Variants in HIVEP2 observed in about 807,000 individuals in gnomAD.
The protein encoded by HIVEP2 is HIVEP zinc finger 2.
Under a neutral mutation model 180.7 loss-of-function variants are expected in HIVEP2, and 14 were observed. The observed-to-expected ratio is 0.08, with a 90% confidence interval of 0.05 to 0.12. HIVEP2 has a LOEUF of 0.12. HIVEP2 is among the 10% of genes least tolerant of loss of function. The probability of loss-of-function intolerance (pLI) is 1.00; values close to 1 mark genes in which losing one functional copy is unlikely to be tolerated. For missense variants in HIVEP2, 2,579 were observed against 3,008.5 expected (o/e 0.86, Z 3.34); for synonymous variants, 1,184 against 1,136.4 (o/e 1.04, Z -0.84).
chr6:142,839,007 T>G (rs953189796), intron 1 of HIVEP2, among the ~76,000 whole-genome samples: 1 of 152,046 alleles, frequency 6.6e-6, no homozygotes, highest in Non-Finnish European at 1.5e-5. Flanking sequence ...TCCCATAGAG[T>G]ACCTAAAAGT....
In HIVEP2 at chr6:142,768,445, T is replaced by C; in HGVS notation, c.5279A>G (p.His1760Arg). The C allele has an allele frequency of 6.2e-7, 1 of 1,613,298 alleles. No individual in the cohort carries two copies. The highest frequency in any genetic ancestry group is 8.5e-7 in the Non-Finnish European group (1 of 1,179,448). Residue 1760 changes from histidine (H) to arginine (R), a missense_variant, in exon 6 of 10, where the codon CAT becomes CGT. By Grantham distance (29) the His-to-Arg change is conservative. This residue lies in a region of HIVEP2 where 349 missense variants were observed against 367.2 expected (regional missense o/e 0.95). Coordinates refer to ENST00000367603, the MANE Select transcript of HIVEP2 (RefSeq NM_006734.4). Reference sequence around the variant, plus strand: ...TTTGGATCCAATATCTTTATCTCCATGAATATCTCCTTTCCCTCTTTCCTT... The same window carrying C: ...TTTGGATCCAATATCTTTATCTCCACGAATATCTCCTTTCCCTCTTTCCTT... Reference protein sequence around the residue: ...ILKERGKGDIHGDKDIGSKQT... With the variant: ...ILKERGKGDIRGDKDIGSKQT...
intron 2 of HIVEP2, among the ~76,000 whole-genome samples, chr6:142,830,137 G>C (rs1346281317): frequency 6.6e-6 from 1 of 152,116 alleles, no homozygotes; most frequent in Admixed American, 6.5e-5. Context: ...GTTTTCTGTT[G>C]TTAGAAATAC....
chr6:142,753,943 A>C lies in HIVEP2; in HGVS notation c.6517-12T>G. The C allele has an allele frequency of 2.1e-6, 3 of 1,456,434 alleles. No individual in the cohort carries two copies. Among genetic ancestry groups the C allele is most frequent in the Non-Finnish European group, 2.8e-6 (3 of 1,060,710 alleles). 90.2% of individuals were successfully genotyped at this position (1,456,434 alleles called of 1,614,324 possible). A position where few individuals can be genotyped will look rare whatever the true frequency, so the allele number is the denominator to read the frequency against. On this transcript the variant is annotated splice_polypyrimidine_tract_variant and intron_variant, in intron 9 of 9. Coordinates refer to ENST00000367603, the MANE Select transcript of HIVEP2 (RefSeq NM_006734.4). Reference sequence around the variant, plus strand: ...CCTCTTCTTAAATTCTGCGCAGAGAAACAAAGAGAGCACAAAATTCAGAGC... The same window carrying C: ...CCTCTTCTTAAATTCTGCGCAGAGACACAAAGAGAGCACAAAATTCAGAGC...
At chr6:142,761,130 T>C (rs1215270899) in intron 8 of HIVEP2, among the ~76,000 whole-genome samples, 2 of 152,228 alleles carry the variant, frequency 1.3e-5, no homozygotes, top group African/African-American at 4.8e-5. Context: ...TGAATAATAA[T>C]ACATTAAAAT....
At chr6:142,800,103 T>G (rs1043506665) in intron 2 of HIVEP2, among the ~76,000 whole-genome samples, 3 of 152,126 alleles carry the variant, frequency 2.0e-5, no homozygotes, top group African/African-American at 7.2e-5. Flanking sequence ...CACACCCAGG[T>G]GGCAGCAAAA....
intron 1 of HIVEP2, among the ~76,000 whole-genome samples, chr6:142,848,700 G>A (rs1247792165): frequency 6.6e-6 from 1 of 151,052 alleles, no homozygotes; most frequent in East Asian, 1.9e-4. Context: ...TCCAGCCTGG[G>A]CAACAGATCC....
At chr6:142,895,306 T>C (rs143338174) in intron 1 of HIVEP2, among the ~76,000 whole-genome samples, 14 of 152,222 alleles carry the variant, frequency 9.2e-5, no homozygotes, top group Non-Finnish European at 1.9e-4. Flanking sequence ...AGAAATGTTT[T>C]TTTCAGGACT....
At chr6:142,904,424 T>C (rs1777212463) in intron 1 of HIVEP2, among the ~76,000 whole-genome samples, 1 of 152,208 alleles carries the variant, frequency 6.6e-6, no homozygotes, top group Admixed American at 6.5e-5. Flanking sequence ...AAAGCTGTTG[T>C]TCATGTTGAA....
chr6:142,867,855 C>T (rs569889969), intron 1 of HIVEP2, among the ~76,000 whole-genome samples: 1 of 152,254 alleles, frequency 6.6e-6, no homozygotes, highest in Admixed American at 6.5e-5. Context: ...AATAGGATCC[C>T]ATATGAATTT....
rs34175479 is a variant in HIVEP2 at position 142,774,427 on chromosome 6, T to C, written c.312A>G (p.Ser104=). The C allele has an allele frequency of 2.1e-4, 338 of 1,614,122 alleles. 2 individuals are homozygous for C. In the African/African-American group the frequency reaches 3.5e-3, roughly 17 times the overall value. ...CQHSLSFPQH[S]LPQGVMHSTK... is the part of the protein sequence containing the mutation. ...TGCTGTGCATGACCCCCTGTGGCAA[T>C]GAGTGCTGAGGGAAAGAGAGTGAGT... is the stretch of plus-strand genomic sequence containing the variant. Residue 104 remains serine (S), a synonymous_variant, in exon 5 of 10, where the codon TCA becomes TCG. Coordinates refer to ENST00000367603, the MANE Select transcript of HIVEP2 (RefSeq NM_006734.4). This position sits in a 1 kb window ranked among gnomAD's most constrained non-coding sequence, Gnocchi z 5.1.
intron 2 of HIVEP2, among the ~76,000 whole-genome samples, chr6:142,830,773 AAAAGTGATATTCAAACTCC>A (rs2114860944): frequency 6.6e-6 from 1 of 152,284 alleles, no homozygotes; most frequent in South Asian, 2.1e-4. Context: ...GTTTTCTATT[AAAAGTGATATTCAAACTCC>A]AAAGCTCAAA....
intron 1 of HIVEP2, among the ~76,000 whole-genome samples, chr6:142,886,333 C>G (rs1176179616): frequency 6.6e-6 from 1 of 152,092 alleles, no homozygotes; most frequent in Admixed American, 6.6e-5. Context: ...AGGGAAATAA[C>G]TTTTTATATG....
At chr6:142,905,186 G>A (rs1167255816) in intron 1 of HIVEP2, among the ~76,000 whole-genome samples, 1 of 152,106 alleles carries the variant, frequency 6.6e-6, no homozygotes, top group Non-Finnish European at 1.5e-5. Flanking sequence ...TAAGAGTTAA[G>A]AAAGATACTG....
intron 1 of HIVEP2, among the ~76,000 whole-genome samples, chr6:142,907,519 T>C (rs540060457): frequency 6.6e-6 from 1 of 152,164 alleles, no homozygotes. Context: ...TTACCCTGAG[T>C]CGTACTCAGT....
At chr6:142,853,350 A>C (rs1192036184) in intron 1 of HIVEP2, among the ~76,000 whole-genome samples, 1 of 152,212 alleles carries the variant, frequency 6.6e-6, no homozygotes, top group East Asian at 1.9e-4. Context: ...GGTTTCGATA[A>C]GAATTCACTT....
intron 2 of HIVEP2, among the ~76,000 whole-genome samples, chr6:142,807,114 A>G (rs1776573021): frequency 1.3e-5 from 2 of 152,278 alleles, no homozygotes. Context: ...AGGGGATGGC[A>G]ACCCAGGGAG....
At position 142,760,387 on chromosome 6, in the gene HIVEP2, C is replaced by A. The variant is rs200310309; in HGVS notation, c.5901G>T (p.Ser1967=). 12 of 1,614,186 alleles carry A rather than the reference C, an allele frequency of 7.4e-6. No individual in the cohort carries two copies. In the African/African-American group the frequency reaches 9.3e-5, roughly 13 times the overall value. Residue 1967 remains serine (S), a synonymous_variant, in exon 9 of 10, where the codon TCG becomes TCT. Transcript: ENST00000367603. Reference sequence around the variant, plus strand: ...GCAAAGTAACCAAATAGCTGATCAACGAAGAATGTCCCAGGGAACTATCTG... The same window carrying A: ...GCAAAGTAACCAAATAGCTGATCAAAGAAGAATGTCCCAGGGAACTATCTG... ...VPSDSSLGHS[S]LISYLVTLPS...
At chr6:142,769,110 C>T (rs1294272885) in intron 5 of HIVEP2, among the ~76,000 whole-genome samples, 1 of 152,168 alleles carries the variant, frequency 6.6e-6, no homozygotes, top group Non-Finnish European at 1.5e-5. Flanking sequence ...AGAGTAAGCC[C>T]TGCAGCATTT....
intron 2 of HIVEP2, among the ~76,000 whole-genome samples, chr6:142,823,359 A>AG (rs997508869): frequency 2.0e-5 from 3 of 152,216 alleles, no homozygotes; most frequent in African/African-American, 7.2e-5. Flanking sequence ...CAACGGTTTA[A>AG]GCCCCGAGGG....
Sources: allele counts gnomAD v4.1 joint callset (sites outside exome capture counted in the v4.1 genomes callset), GRCh38; gene constraint gnomAD v4.1.1; regional missense constraint gnomAD v4.1.1; non-coding constraint Gnocchi (gnomAD v3.1); transcripts MANE v1.5; gene names NCBI Gene and HGNC (gene_info 2026-07-23, HGNC 2026-07-21).